DPYSL2: variants seen among roughly 807,000 people sequenced by gnomAD.
DPYSL2 encodes the protein dihydropyrimidinase like 2, also known as dihydropyrimidinase-related protein 2.
In DPYSL2, 13 loss-of-function variants were observed where a neutral mutation model predicts 69.9. That is an observed-to-expected ratio of 0.19 (90% confidence interval 0.12 to 0.30). The LOEUF (loss-of-function observed/expected upper bound fraction) is 0.30. Among genes scored for constraint, DPYSL2 ranks in the 10% least tolerant of loss-of-function variants. The pLI is 1.00. For missense variants in DPYSL2, 587 were observed against 918.9 expected, an observed-to-expected ratio of 0.64 and a Z score of 4.67; for synonymous variants, 326 against 359.1, an observed-to-expected ratio of 0.91 and a Z score of 1.04.
At chr8:26,583,741 G>T in intron 2 of DPYSL2, 58 bp from the exon 3 acceptor site, 2 of 1,496,528 alleles carry the variant, frequency 1.3e-6, no homozygotes, top group Non-Finnish European at 1.8e-6. Flanking sequence ...GTAGCTGTCA[G>T]ATCCCATTTG....
intron 1 of DPYSL2, among the ~76,000 whole-genome samples, chr8:26,539,438 A>G (rs1800644306): frequency 1.3e-5 from 2 of 152,260 alleles, no homozygotes; most frequent in Non-Finnish European, 2.9e-5. Context: ...ACTTTTAAAC[A>G]TCTAGAAAGA....
At chr8:26,607,911 C>T (rs1802141454) in intron 3 of DPYSL2, among the ~76,000 whole-genome samples, 2 of 151,802 alleles carry the variant, frequency 1.3e-5, no homozygotes, top group East Asian at 1.9e-4. Context: ...AACCCTGTCC[C>T]TACTAAAAAC....
At chr8:26,523,469 T>C (rs868748995) in intron 1 of DPYSL2, among the ~76,000 whole-genome samples, 1 of 152,182 alleles carries the variant, frequency 6.6e-6, no homozygotes, top group African/African-American at 2.4e-5. Flanking sequence ...CAACAACTCT[T>C]CATTCCCCTC....
intron 7 of DPYSL2, among the ~76,000 whole-genome samples, chr8:26,628,480 G>A (rs777888090): frequency 3.9e-5 from 6 of 152,224 alleles, no homozygotes; most frequent in Non-Finnish European, 5.9e-5. Context: ...GAGACTCACC[G>A]TCTTGGTGAG....
At chr8:26,518,003 C>T (rs951745659) in intron 1 of DPYSL2, among the ~76,000 whole-genome samples, 6 of 152,224 alleles carry the variant, frequency 3.9e-5, no homozygotes, top group African/African-American at 1.4e-4. Context: ...TTCCAAAGGG[C>T]AACAGGTTCT....
chr8:26,589,889 G>A (rs1303519361), intron 3 of DPYSL2, among the ~76,000 whole-genome samples: 1 of 152,232 alleles, frequency 6.6e-6, no homozygotes, highest in African/African-American at 2.4e-5. Flanking sequence ...TTCCCCCAGT[G>A]CCTTGGGCTT....
rs1458365499 is a variant in DPYSL2, at chr8:26,641,768, G to C, written c.1127-1671G>C. ...TTTGGAGTCCTCCCTCCTGCTGGGG[G>C]TGGGGGCGTGGTTGCTGGTGGCCTG... On this transcript the variant is annotated intron_variant, in intron 8 of 13. Transcript: ENST00000521913. The surrounding 1 kb of genome is among the most constrained non-coding windows in gnomAD (Gnocchi z 4.1). 1.3e-5 allele frequency among the ~76,000 whole-genome samples: 2 copies of C among 152,208 alleles called. No individual in the cohort carries two copies. Among genetic ancestry groups the C allele is most frequent in the African/African-American group, 4.8e-5 (2 of 41,456 alleles).
At position 26,558,065 on chromosome 8, in the gene DPYSL2, A is replaced by T. The variant is rs145704076; in HGVS notation, c.355-23904A>T. Among the ~76,000 whole-genome samples, 514 of 152,204 alleles carry T rather than the reference A, an allele frequency of 3.4e-3. 3 individuals are homozygous for T. The highest frequency in any genetic ancestry group is 0.012 in the African/African-American group (492 of 41,560). On this transcript the variant is annotated intron_variant, in intron 1 of 13. Transcript: ENST00000521913. ...TTACAAAACTAAATATTATCTTACC[A>T]TATGATCCTGCAATCATACTCCTTG...
chr8:26,629,382 A>T (rs1344510170), intron 7 of DPYSL2, among the ~76,000 whole-genome samples: 1 of 152,182 alleles, frequency 6.6e-6, no homozygotes, highest in South Asian at 2.1e-4. Flanking sequence ...ACACATACAC[A>T]TGCAGAGGCA....
At chr8:26,526,677 A>T (rs1048024401) in intron 1 of DPYSL2, among the ~76,000 whole-genome samples, 1 of 152,218 alleles carries the variant, frequency 6.6e-6, no homozygotes, top group African/African-American at 2.4e-5. Flanking sequence ...CATGTTAAAG[A>T]ATCATCTTTT....
At chr8:26,578,362 T>G (rs1389011041) in intron 1 of DPYSL2, 1 of 1,601,496 alleles carries the variant, frequency 6.2e-7, no homozygotes, top group African/African-American at 1.4e-5. Context: ...TCTAAGGAAT[T>G]TTTAAAAAGG....
In DPYSL2 at chr8:26,624,253, A is replaced by G. The variant is rs762706796; in HGVS notation, c.739A>G (p.Ser247Gly). ...CCDYSLHVDI[S>G]EWHKGIQEEM... is the part of the protein sequence containing the mutation. Reference sequence around the variant, plus strand: ...TGACTACTCTCTGCATGTGGACATCAGTGAGTGGCATAAGGGCATCCAGGA... The same window carrying G: ...TGACTACTCTCTGCATGTGGACATCGGTGAGTGGCATAAGGGCATCCAGGA... The change falls in exon 4 of 14, where the codon AGT becomes GGT. Residue 247 changes from serine (S) to glycine (G), a missense_variant. This residue lies in a region of DPYSL2 where 452 missense variants were observed against 754.3 expected (regional missense o/e 0.60). Coordinates refer to ENST00000521913, the MANE Select transcript of DPYSL2 (RefSeq NM_001197293.3). This position sits in a 1 kb window ranked among gnomAD's most constrained non-coding sequence, Gnocchi z 4.7. The G allele has an allele frequency of 2.6e-5, 42 of 1,614,228 alleles. No individual in the cohort carries two copies. The South Asian group carries it at 4.4e-4, about 17-fold the overall frequency.
intron 1 of DPYSL2, among the ~76,000 whole-genome samples, chr8:26,527,276 A>C (rs1187283417): frequency 6.6e-6 from 1 of 152,196 alleles, no homozygotes; most frequent in African/African-American, 2.4e-5. Context: ...TGATGTGATA[A>C]GTTATATTCT....
intron 1 of DPYSL2, among the ~76,000 whole-genome samples, chr8:26,573,836 CAAAAAA>C (rs145546482): frequency 1.2e-5 from 1 of 82,434 alleles, no homozygotes; most frequent in Non-Finnish European, 2.3e-5. Context: ...GACTCCACCT[CAAAAAA>C]AAAAAAAAAA....
intron 1 of DPYSL2, among the ~76,000 whole-genome samples, chr8:26,579,960 C>CCA (rs1563395033): frequency 1.3e-5 from 2 of 148,800 alleles, no homozygotes; most frequent in Non-Finnish European, 3.0e-5. Flanking sequence ...GAGCGCCCCC[C>CCA]CCCCCACACC....
intron 8 of DPYSL2, chr8:26,637,439 A>G (rs1470007750): frequency 3.3e-5 from 5 of 152,176 alleles, no homozygotes; most frequent in Non-Finnish European, 5.9e-5. Context: ...GTATAGTGGA[A>G]TTGGGGCTTG....
Position 26,609,570 on chromosome 8 carries a change from G to T in DPYSL2, c.629-14573G>T, listed in dbSNP as rs1303978898. On this transcript the variant is annotated intron_variant, in intron 3 of 13. Coordinates refer to ENST00000521913, the MANE Select transcript of DPYSL2 (RefSeq NM_001197293.3). This position sits in a 1 kb window ranked among gnomAD's most constrained non-coding sequence, Gnocchi z 6.5. ...TTTGGCAAGCCAACTCTGAATCTGTGGTCCCGTAGCCCCAGGCAACCAAAA... is the reference window on the plus strand; with the variant it reads ...TTTGGCAAGCCAACTCTGAATCTGTTGTCCCGTAGCCCCAGGCAACCAAAA... 6.6e-6 allele frequency among the ~76,000 whole-genome samples: 1 copy of T among 152,142 alleles called. No individual in the cohort carries two copies. Among genetic ancestry groups the T allele is most frequent in the Non-Finnish European group, 1.5e-5 (1 of 68,024 alleles).
chr8:26,538,386 A>T (rs967044564), intron 1 of DPYSL2, among the ~76,000 whole-genome samples: 2 of 152,212 alleles, frequency 1.3e-5, no homozygotes, highest in African/African-American at 4.8e-5. Flanking sequence ...AGAAAAGTGT[A>T]GGAAGCATTT....
At chr8:26,576,864 C>G in intron 1 of DPYSL2, among the ~76,000 whole-genome samples, 1 of 152,238 alleles carries the variant, frequency 6.6e-6, no homozygotes, top group East Asian at 1.9e-4. Context: ...CCCCGGGGCG[C>G]TGGGATCGCA....
Sources: allele counts gnomAD v4.1 joint callset (sites outside exome capture counted in the v4.1 genomes callset), GRCh38; gene constraint gnomAD v4.1.1; regional missense constraint gnomAD v4.1.1; non-coding constraint Gnocchi (gnomAD v3.1); transcripts MANE v1.5; gene names NCBI Gene and HGNC (gene_info 2026-07-23, HGNC 2026-07-21).